The following PTPRM variants were observed in gnomAD, a reference collection of about 807,000 sequenced individuals.
The protein encoded by PTPRM is receptor-type tyrosine-protein phosphatase mu.
A neutral mutation model predicts 186.7 loss-of-function variants in PTPRM; 47 were observed. The observed-to-expected ratio is 0.25, with a 90% CI of 0.20 to 0.32. The LOEUF (loss-of-function observed/expected upper bound fraction) is 0.32, where lower values mean the gene tolerates loss of function less well. Ranked by LOEUF, PTPRM falls within the 10% of genes least tolerant of loss-of-function variation. The pLI is 1.00. For missense variants in PTPRM, 1,494 were observed against 1,865.0 expected (o/e 0.80, Z 3.66); for synonymous variants, 668 against 674.9 (o/e 0.99, Z 0.16).
At chr18:8,380,802 T>C (rs627599) in intron 29 of PTPRM, among the ~76,000 whole-genome samples, 61,221 of 151,590 alleles carry the variant, frequency 0.4, 12,586 homozygotes, top group African/African-American at 0.48. Flanking sequence ...CAGAGGACAG[T>C]GGAGAAGGGA....
chr18:7,778,658 T>C (rs2042708229), intron 2 of PTPRM, among the ~76,000 whole-genome samples: 2 of 152,046 alleles, frequency 1.3e-5, no homozygotes, highest in South Asian at 4.2e-4. Flanking sequence ...TTTTGTATTT[T>C]TAGTAGAGAC....
At chr18:7,726,112 C>T (rs547994430) in intron 1 of PTPRM, among the ~76,000 whole-genome samples, 5 of 152,292 alleles carry the variant, frequency 3.3e-5, no homozygotes, top group African/African-American at 1.2e-4. Flanking sequence ...AGGTTTGGAG[C>T]AGTCAGTGAG....
At chr18:8,050,821 A>G (rs1166817271) in intron 7 of PTPRM, among the ~76,000 whole-genome samples, 3 of 152,070 alleles carry the variant, frequency 2.0e-5, no homozygotes, top group Non-Finnish European at 4.4e-5. Context: ...GTGGCCTTGG[A>G]TGGTAACCTG....
At chr18:8,303,293 T>C (rs761852073) in intron 20 of PTPRM, among the ~76,000 whole-genome samples, 28 of 152,136 alleles carry the variant, frequency 1.8e-4, no homozygotes, top group Non-Finnish European at 2.9e-4. Flanking sequence ...TGGGTTACCA[T>C]GCCCTCCTAC....
In PTPRM at chr18:8,406,469, T is replaced by C. The variant is rs2095906801; in HGVS notation, c.*307T>C. On this transcript the variant is annotated 3_prime_UTR_variant, in exon 33 of 33. Transcript: ENST00000580170. Reference sequence around the variant, plus strand: ...ACAACTATATTCTTATGAAGGAATTTGTACCTTTGGGGTATTATTTTGTGG... The same window carrying C: ...ACAACTATATTCTTATGAAGGAATTCGTACCTTTGGGGTATTATTTTGTGG... The C allele has an allele frequency of 3.3e-6, 1 of 305,504 alleles. No individual in the cohort carries two copies. The highest frequency in any genetic ancestry group is 6.4e-5 in the South Asian group (1 of 15,646). The allele number at this position is 305,504 out of a possible 1,614,324, so 18.9% of individuals were successfully genotyped here.
intron 1 of PTPRM, among the ~76,000 whole-genome samples, chr18:7,596,275 G>A (rs931113058): frequency 1.3e-5 from 2 of 152,094 alleles, no homozygotes; most frequent in African/African-American, 2.4e-5. Flanking sequence ...TCTGGACATA[G>A]GGAGGAGTCA....
intron 14 of PTPRM, among the ~76,000 whole-genome samples, chr18:8,176,492 A>G (rs1375588640): frequency 1.3e-5 from 2 of 152,230 alleles, no homozygotes; most frequent in East Asian, 1.9e-4. Context: ...GTGAAAAAAT[A>G]TATGTATACA....
intron 13 of PTPRM, among the ~76,000 whole-genome samples, chr18:8,139,573 G>A (rs1271918159): frequency 6.6e-6 from 1 of 152,128 alleles, no homozygotes; most frequent in African/African-American, 2.4e-5. Context: ...GCTATCTAAG[G>A]AGGTGTCCCC....
intron 22 of PTPRM, among the ~76,000 whole-genome samples, chr18:8,320,783 G>A (rs1477190358): frequency 2.6e-5 from 4 of 152,248 alleles, no homozygotes; most frequent in Non-Finnish European, 4.4e-5. Context: ...ATGACCTGCT[G>A]GAGCTCCCAC....
At chr18:8,062,964 C>T (rs1178538120) in intron 7 of PTPRM, among the ~76,000 whole-genome samples, 12 of 148,148 alleles carry the variant, frequency 8.1e-5, no homozygotes, top group Non-Finnish European at 1.6e-4. Flanking sequence ...GGCAGGCCTC[C>T]TAGAGCTGTG....
chr18:7,875,266 G>A (rs1362556684), intron 2 of PTPRM, among the ~76,000 whole-genome samples: 1 of 151,840 alleles, frequency 6.6e-6, no homozygotes, highest in Non-Finnish European at 1.5e-5. Flanking sequence ...ATTGTTCACT[G>A]TATTATGGTG....
intron 8 of PTPRM, among the ~76,000 whole-genome samples, chr18:8,075,274 A>T (rs572746821): frequency 2.0e-5 from 3 of 152,042 alleles, no homozygotes; most frequent in Non-Finnish European, 4.4e-5. Flanking sequence ...ATCTATATAT[A>T]TATATCTTTA....
intron 14 of PTPRM, among the ~76,000 whole-genome samples, chr18:8,240,641 G>C (rs1373151127): frequency 2.9e-5 from 2 of 70,128 alleles, no homozygotes; most frequent in African/African-American, 1.0e-4. Context: ...GAGAGAGAGA[G>C]AGAGAGAGAG....
intron 19 of PTPRM, among the ~76,000 whole-genome samples, chr18:8,256,300 C>T (rs2094574157): frequency 6.6e-6 from 1 of 152,182 alleles, no homozygotes; most frequent in South Asian, 2.1e-4. Flanking sequence ...TCAAACTCAG[C>T]TCTGCTTCTT....
chr18:8,383,667 A>AGAG (rs747585579), intron 29 of PTPRM, among the ~76,000 whole-genome samples: 1 of 152,244 alleles, frequency 6.6e-6, no homozygotes, highest in African/African-American at 2.4e-5. Flanking sequence ...TCCAGGCAGA[A>AGAG]CAGCAAAGCA....
chr18:8,144,287 C>T (rs547768162), intron 14 of PTPRM, among the ~76,000 whole-genome samples: 2 of 152,244 alleles, frequency 1.3e-5, no homozygotes, highest in African/African-American at 2.4e-5. Context: ...AAAAATGCAG[C>T]GCGGGAGCAG....
chr18:7,658,352 A>G (rs1461523175), intron 1 of PTPRM, among the ~76,000 whole-genome samples: 2 of 143,368 alleles, frequency 1.4e-5, no homozygotes, highest in Non-Finnish European at 3.0e-5. Context: ...ATATATATAT[A>G]TATATATACA....
In PTPRM at chr18:8,069,670, C is replaced by A. The variant is rs2089337080; in HGVS notation, c.1133-16C>A. The A allele has an allele frequency of 6.3e-7, 1 of 1,588,908 alleles. No individual in the cohort carries two copies. The stretch of plus-strand genomic sequence containing the variant: ...TCTTCTCTCTCATGTTTTCTTTTGT[C>A]TTCTTTTCTAAATAGATCCCATGCG... On this transcript the variant is annotated splice_polypyrimidine_tract_variant and intron_variant, in intron 7 of 32. Transcript: ENST00000580170.
chr18:8,163,015 C>T lies in PTPRM; in HGVS notation c.2300+19236C>T, dbSNP rs555209383. Among the ~76,000 whole-genome samples the T allele has an allele frequency of 5.9e-5, 9 of 152,302 alleles. No individual in the cohort carries two copies. The South Asian group carries it at 1.2e-3, about 21-fold the overall frequency. ...CACACCTGCCCTCAGCCAGCTCTAG[C>T]GCCTTCCTGCAACCAGTGTCCACAC... On this transcript the variant is annotated intron_variant, in intron 14 of 32. Transcript: ENST00000580170.
Sources: allele counts gnomAD v4.1 joint callset (sites outside exome capture counted in the v4.1 genomes callset), GRCh38; gene constraint gnomAD v4.1.1; transcripts MANE v1.5; gene names NCBI Gene and HGNC (gene_info 2026-07-23, HGNC 2026-07-21).